ZBTB49: variants seen among roughly 807,000 people sequenced by gnomAD.
ZBTB49 encodes the protein zinc finger and BTB domain-containing protein 49.
In ZBTB49, 43 loss-of-function variants were observed where a neutral mutation model predicts 57.5. That is an observed-to-expected ratio of 0.75 (90% CI 0.59 to 0.97). ZBTB49 has a LOEUF of 0.97. ZBTB49 is among the 50% of genes least tolerant of loss of function. ZBTB49 has a pLI of 0.00. For missense variants in ZBTB49, 938 were observed against 947.7 expected (o/e 0.99, Z 0.13); for synonymous variants, 369 against 362.1 (o/e 1.02, Z -0.22).
intron 4 of ZBTB49, among the ~76,000 whole-genome samples, chr4:4,309,882 T>C (rs550805760): frequency 2.6e-5 from 4 of 152,372 alleles, no homozygotes; most frequent in African/African-American, 9.6e-5. Context: ...TTAAGTGATA[T>C]CTCTATGTTA....
intron 4 of ZBTB49, among the ~76,000 whole-genome samples, chr4:4,311,171 A>G (rs1720967890): frequency 6.6e-6 from 1 of 152,260 alleles, no homozygotes; most frequent in Non-Finnish European, 1.5e-5. Flanking sequence ...AAAATATTAA[A>G]TGGAAGATCA....
intron 3 of ZBTB49, among the ~76,000 whole-genome samples, chr4:4,304,257 G>T (rs1379496693): frequency 6.9e-6 from 1 of 144,322 alleles, no homozygotes; most frequent in African/African-American, 2.6e-5. Flanking sequence ...ACAGAGTTTC[G>T]CTCTGTTGCC....
At chr4:4,305,587 G>A (rs528704771) in intron 3 of ZBTB49, among the ~76,000 whole-genome samples, 1 of 152,146 alleles carries the variant, frequency 6.6e-6, no homozygotes, top group African/African-American at 2.4e-5. Flanking sequence ...AAAGAAGTCC[G>A]CAGAGGAGCA....
intron 7 of ZBTB49, among the ~76,000 whole-genome samples, chr4:4,320,018 A>G (rs1721341993): frequency 7.1e-6 from 1 of 140,842 alleles, no homozygotes; most frequent in Non-Finnish European, 1.5e-5. Flanking sequence ...GAGCCGAGAC[A>G]ATGCCACTTC....
intron 7 of ZBTB49, among the ~76,000 whole-genome samples, chr4:4,316,862 G>C (rs1721214238): frequency 6.6e-6 from 1 of 152,210 alleles, no homozygotes; most frequent in African/African-American, 2.4e-5. Context: ...AGAAAGTGAA[G>C]TTTCATCACT....
In ZBTB49 at chr4:4,313,590, A is replaced by T. The variant is rs754836829; in HGVS notation, c.1376+476A>T. On this transcript the variant is annotated intron_variant, in intron 5 of 7. Coordinates refer to ENST00000337872, the MANE Select transcript of ZBTB49 (RefSeq NM_145291.4). ...CCAGGGAGGAGGAAACTAAGTCTTG[A>T]TGGGTGGGTAGGATTTTGACCTGGC... is the stretch of plus-strand genomic sequence containing the variant. Among the ~76,000 whole-genome samples, 170 of 152,248 alleles carry T rather than the reference A, an allele frequency of 1.1e-3. 2 individuals are homozygous for T. Among genetic ancestry groups the T allele is most frequent in the Non-Finnish European group, 4.7e-4 (32 of 68,014 alleles).
At chr4:4,315,761 T>TA (rs769848389) in intron 6 of ZBTB49, 43 bp downstream of exon 6, 22 of 1,613,828 alleles carry the variant, frequency 1.4e-5, no homozygotes, top group Non-Finnish European at 1.9e-5. Flanking sequence ...GATTTCTGAT[T>TA]AAAATGTTCT....
intron 3 of ZBTB49, among the ~76,000 whole-genome samples, chr4:4,304,225 A>AT (rs35865014): frequency 0.023 from 3,175 of 135,654 alleles, 102 homozygotes; most frequent in African/African-American, 0.075. Context: ...GATTACTGCA[A>AT]TTTTTTTTTT....
At chr4:4,294,916 T>TGTGTGTGTGTG (rs59488167) in intron 1 of ZBTB49, among the ~76,000 whole-genome samples, 18 of 146,008 alleles carry the variant, frequency 1.2e-4, no homozygotes, top group Non-Finnish European at 2.1e-4. Context: ...TGTGTGTGTG[T>TGTGTGTGTGTG]TTAATGTCTT....
chr4:4,292,300 C>T (rs1336892809), intron 1 of ZBTB49, among the ~76,000 whole-genome samples: 1 of 152,078 alleles, frequency 6.6e-6, no homozygotes, highest in Non-Finnish European at 1.5e-5. Flanking sequence ...TAAAAAATAA[C>T]TCTGGTACAG....
In ZBTB49 at chr4:4,320,842, C is replaced by T. The variant is rs749749313; in HGVS notation, c.1824C>T (p.Leu608=). The T allele has an allele frequency of 6.2e-6, 10 of 1,614,094 alleles. No homozygotes were observed. Among genetic ancestry groups the T allele is most frequent in the African/African-American group, 4.0e-5 (3 of 74,932 alleles). ...ELSQAIETSD[L]EKSQSSDSFS... is the part of the protein sequence containing the mutation. ...GCCAAGCCATCGAGACCTCCGACCT[C>T]GAGAAATCTCAGAGCTCAGACTCTT... The change falls in exon 8 of 8, where the codon CTC becomes CTT. Residue 608 remains leucine, a synonymous_variant. Coordinates refer to ENST00000337872, the MANE Select transcript of ZBTB49 (RefSeq NM_145291.4).
chr4:4,303,500 A>T (rs1188147393), intron 3 of ZBTB49, among the ~76,000 whole-genome samples: 1 of 152,154 alleles, frequency 6.6e-6, no homozygotes, highest in Non-Finnish European at 1.5e-5. Flanking sequence ...ATTTAGACTA[A>T]CCTAATATAC....
chr4:4,292,048 G>A (rs1178947017), intron 1 of ZBTB49, among the ~76,000 whole-genome samples: 2 of 152,134 alleles, frequency 1.3e-5, no homozygotes, highest in African/African-American at 4.8e-5. Context: ...TGAGGCGAGT[G>A]GATCATTTGA....
Position 4,300,087 on chromosome 4 carries a change from C to T in ZBTB49, c.142C>T (p.Gln48Ter), listed in dbSNP as rs1186206823. 6.2e-7 allele frequency: 1 copy of T among 1,613,928 alleles called. No homozygotes were observed. The highest frequency in any genetic ancestry group is 1.3e-5 in the African/African-American group (1 of 74,892). ...TAAGAATGTCCTGGCAGCATTCAGC[C>T]AGTATTTTAGGTGGGTATTTTAGAC... ...AHKNVLAAFS[Q>*]YFRSLFQNSS... The change falls in exon 2 of 8, where the codon CAG becomes TAG. Residue 48 changes from glutamine (Q) to a stop codon, truncating the protein, a stop_gained. Transcript: ENST00000337872. LOFTEE classifies it high-confidence loss of function.
At position 4,294,132 on chromosome 4, in the gene ZBTB49, T is replaced by A. The variant is rs543449980; in HGVS notation, c.-20+3780T>A. Among the ~76,000 whole-genome samples the A allele has an allele frequency of 5.3e-5, 8 of 152,324 alleles. No individual in the cohort carries two copies. The South Asian group carries it at 1.7e-3, about 32-fold the overall frequency. On this transcript the variant is annotated intron_variant, in intron 1 of 7. Transcript: ENST00000337872. ...TAGGAAACATAAGTATTTGTCATAA[T>A]CATTACTATTATTAGGTATAAGATA...
At chr4:4,304,225 AT>A (rs35865014) in intron 3 of ZBTB49, among the ~76,000 whole-genome samples, 67,044 of 135,536 alleles carry the variant, frequency 0.49, 15,745 homozygotes, top group Middle Eastern at 0.58. Flanking sequence ...GATTACTGCA[AT>A]TTTTTTTTTT....
In ZBTB49 at chr4:4,315,676, C is replaced by G; in HGVS notation, c.1417C>G (p.His473Asp). Reference protein sequence around the residue: ...SGDVQRHIIIHSGEKPHLCDI... With the variant: ...SGDVQRHIIIDSGEKPHLCDI... ...CGACGTCCAGCGTCACATTATTATTCACTCAGGAGAAAAACCACACTTGTG... is the reference window on the plus strand; with the variant it reads ...CGACGTCCAGCGTCACATTATTATTGACTCAGGAGAAAAACCACACTTGTG... Residue 473 changes from histidine (H) to aspartate (D), a missense_variant, in exon 6 of 8, where the codon CAC becomes GAC. His to Asp is a moderately conservative substitution (Grantham distance 81). This residue lies in a region of ZBTB49 where 835 missense variants were observed against 819.1 expected (regional missense o/e 1.02). Transcript: ENST00000337872. 6.2e-7 allele frequency: 1 copy of G among 1,614,184 alleles called. No homozygotes were observed. The highest frequency in any genetic ancestry group is 8.5e-7 in the Non-Finnish European group (1 of 1,180,028).
Position 4,302,262 on chromosome 4 carries a change from A to G in ZBTB49, c.426A>G (p.Pro142=), listed in dbSNP as rs769337696. The G allele has an allele frequency of 5.6e-6, 9 of 1,614,100 alleles. No homozygotes were observed. Among genetic ancestry groups the G allele is most frequent in the Non-Finnish European group, 7.6e-6 (9 of 1,180,022 alleles). Residue 142 remains proline (P), a synonymous_variant, in exon 3 of 8, where the codon CCA becomes CCG. Coordinates refer to ENST00000337872, the MANE Select transcript of ZBTB49 (RefSeq NM_145291.4). Reference sequence around the variant, plus strand: ...TGTCTCTACAAAGCACCCTGACCCCAGATGCCACTTGTGTTATCAGTGAAA... The same window carrying G: ...TGTCTCTACAAAGCACCCTGACCCCGGATGCCACTTGTGTTATCAGTGAAA... The part of the protein sequence containing the change: ...STLSLQSTLT[P]DATCVISENY...
intron 3 of ZBTB49, among the ~76,000 whole-genome samples, chr4:4,303,631 A>T (rs1478435477): frequency 6.6e-6 from 1 of 152,158 alleles, no homozygotes; most frequent in African/African-American, 2.4e-5. Context: ...TGATATTCTC[A>T]AAAGAAAATT....
Sources: allele counts gnomAD v4.1 joint callset (sites outside exome capture counted in the v4.1 genomes callset), GRCh38; gene constraint gnomAD v4.1.1; regional missense constraint gnomAD v4.1.1; transcripts MANE v1.5; gene names NCBI Gene and HGNC (gene_info 2026-07-23, HGNC 2026-07-21).